ADGRB3: variants seen among roughly 807,000 people sequenced by gnomAD.
The protein encoded by ADGRB3 is brain-specific angiogenesis inhibitor 3.
In ADGRB3, 37 loss-of-function variants were observed where a neutral mutation model predicts 193.4. The ratio of observed to expected loss-of-function variants is 0.19; its 90% confidence interval spans 0.15 to 0.25. ADGRB3 has a LOEUF of 0.25. Ranked by LOEUF, ADGRB3 falls within the 10% of genes least tolerant of loss-of-function variation. ADGRB3 has a pLI of 1.00. For missense variants in ADGRB3, 1,637 were observed against 1,852.9 expected (o/e 0.88, Z 2.14); for synonymous variants, 690 against 644.2 (o/e 1.07, Z -1.08).
rs11967880 is a variant in ADGRB3, at chr6:68,731,126, A to G, written c.757+91694A>G. On this transcript the variant is annotated intron_variant, in intron 3 of 31. Coordinates refer to ENST00000370598, the MANE Select transcript of ADGRB3 (RefSeq NM_001704.3). The stretch of plus-strand genomic sequence containing the variant: ...GATATATAAGTTCTTTCTTTCAACT[A>G]TATTATAGGTTAAAGAAATTGAAGA... Among the ~76,000 whole-genome samples the G allele has an allele frequency of 9.7e-3, 1,479 of 151,728 alleles. 31 individuals are homozygous for G. The highest frequency in any genetic ancestry group is 0.034 in the African/African-American group (1,423 of 41,466).
At chr6:69,110,552 G>T (rs1773339977) in intron 17 of ADGRB3, among the ~76,000 whole-genome samples, 1 of 152,152 alleles carries the variant, frequency 6.6e-6, no homozygotes, top group Non-Finnish European at 1.5e-5. Context: ...TTTGGATAAT[G>T]AGTATGAAAT....
intron 29 of ADGRB3, among the ~76,000 whole-genome samples, chr6:69,362,143 T>A (rs750754878): frequency 1.3e-5 from 2 of 151,916 alleles, no homozygotes; most frequent in Non-Finnish European, 2.9e-5. Flanking sequence ...AATCTGAGCA[T>A]ACTAACAGGA....
intron 20 of ADGRB3, among the ~76,000 whole-genome samples, chr6:69,247,890 A>T (rs1482719953): frequency 1.3e-5 from 2 of 151,576 alleles, no homozygotes; most frequent in African/African-American, 4.8e-5. Context: ...ATGGAGGTCA[A>T]TTTTTTTTTA....
At chr6:68,678,675 A>T (rs1021117202) in intron 3 of ADGRB3, among the ~76,000 whole-genome samples, 1 of 152,106 alleles carries the variant, frequency 6.6e-6, no homozygotes, top group African/African-American at 2.4e-5. Flanking sequence ...CTGCCTTTGG[A>T]TCTAACAGCC....
intron 8 of ADGRB3, among the ~76,000 whole-genome samples, chr6:68,967,810 A>C (rs1768427545): frequency 6.6e-6 from 1 of 152,010 alleles, no homozygotes. Flanking sequence ...GGAGTGTTTG[A>C]GGGGCAGTCA....
intron 20 of ADGRB3, among the ~76,000 whole-genome samples, chr6:69,317,056 G>A (rs1046269785): frequency 5.9e-5 from 9 of 151,616 alleles, no homozygotes; most frequent in Non-Finnish European, 1.2e-4. Context: ...TGGCAGGATG[G>A]AGATGTTCTA....
chr6:69,243,904 G>C (rs1028276667), intron 20 of ADGRB3, among the ~76,000 whole-genome samples: 1 of 152,000 alleles, frequency 6.6e-6, no homozygotes, highest in African/African-American at 2.4e-5. Context: ...ATAAATTGTA[G>C]ATATTATAAC....
intron 11 of ADGRB3, among the ~76,000 whole-genome samples, chr6:69,004,403 CT>C (rs1287195141): frequency 0.011 from 1,546 of 145,684 alleles, 33 homozygotes; most frequent in African/African-American, 0.034. Context: ...ATATCCTCTT[CT>C]TTTTTTTTTT....
chr6:69,127,862 G>C (rs958718808), intron 17 of ADGRB3, among the ~76,000 whole-genome samples: 1 of 151,148 alleles, frequency 6.6e-6, no homozygotes, highest in Admixed American at 6.6e-5. Flanking sequence ...TATGAGGTGG[G>C]ACCAACAGAG....
At chr6:69,281,580 G>T (rs1767437680) in intron 20 of ADGRB3, among the ~76,000 whole-genome samples, 1 of 152,146 alleles carries the variant, frequency 6.6e-6, no homozygotes. Flanking sequence ...TAGCCCATCT[G>T]CACCTGCTGC....
At chr6:68,772,888 AAAAAAAATATATATATATATAT>A (rs1766655527) in intron 3 of ADGRB3, among the ~76,000 whole-genome samples, 2 of 51,936 alleles carry the variant, frequency 3.9e-5, no homozygotes, top group Admixed American at 2.5e-4. Flanking sequence ...CAAACAAAAA[AAAAAAAATATATATATATATAT>A]ATATATATAT....
chr6:68,783,307 T>TAACATACATATATATAATATATATATAA (rs1766896286), intron 3 of ADGRB3, among the ~76,000 whole-genome samples: 1 of 146,434 alleles, frequency 6.8e-6, no homozygotes, highest in Non-Finnish European at 1.5e-5. Flanking sequence ...TATATATATA[T>TAACATACATATATATAATATATATATAA]AACATACATA....
At chr6:69,120,516 A>G (rs1269138031) in intron 17 of ADGRB3, among the ~76,000 whole-genome samples, 1 of 152,230 alleles carries the variant, frequency 6.6e-6, no homozygotes, top group East Asian at 1.9e-4. Flanking sequence ...TGGTTTCTCT[A>G]TCTGAGCCTT....
chr6:68,920,474 G>C (rs531239994), intron 3 of ADGRB3, among the ~76,000 whole-genome samples: 1 of 130,742 alleles, frequency 7.6e-6, no homozygotes, highest in South Asian at 2.4e-4. Flanking sequence ...GCCGAGATCC[G>C]CCATTGCACT....
chr6:68,813,608 A>G (rs1332127112), intron 3 of ADGRB3, among the ~76,000 whole-genome samples: 2 of 151,790 alleles, frequency 1.3e-5, no homozygotes, highest in Non-Finnish European at 2.9e-5. Flanking sequence ...CACAACGTGC[A>G]GGTTTGTTAC....
rs552452317 is a variant in ADGRB3, at chr6:68,641,780, A to G, written c.757+2348A>G. On this transcript the variant is annotated intron_variant, in intron 3 of 31. Transcript: ENST00000370598. ...TTTTTGGCTAGGCTACATTGTAGGA[A>G]AGGAATGTGAAAATCTATTGACCTT... Among the ~76,000 whole-genome samples, 99 of 152,228 alleles carry G rather than the reference A, an allele frequency of 6.5e-4. 4 individuals carry two copies. In the South Asian group the frequency reaches 0.019, roughly 30 times the overall value.
chr6:68,968,822 A>G (rs1482499763), intron 8 of ADGRB3, among the ~76,000 whole-genome samples: 2 of 152,194 alleles, frequency 1.3e-5, no homozygotes, highest in Admixed American at 6.5e-5. Flanking sequence ...TGGCATTTAT[A>G]GAAACATGAA....
chr6:69,340,364 G>T (rs1456104917), intron 26 of ADGRB3, among the ~76,000 whole-genome samples: 1 of 152,138 alleles, frequency 6.6e-6, no homozygotes, highest in Non-Finnish European at 1.5e-5. Context: ...AGTCATTTTA[G>T]CATTTACTCT....
intron 20 of ADGRB3, among the ~76,000 whole-genome samples, chr6:69,324,550 G>GAAAC (rs1292046046): frequency 9.9e-5 from 15 of 152,178 alleles, no homozygotes; most frequent in Middle Eastern, 3.4e-3. Context: ...TCAAAGAAAA[G>GAAAC]AGAATTTTCA....
Sources: allele counts gnomAD v4.1 joint callset (sites outside exome capture counted in the v4.1 genomes callset), GRCh38; gene constraint gnomAD v4.1.1; transcripts MANE v1.5; gene names NCBI Gene and HGNC (gene_info 2026-07-23, HGNC 2026-07-21).